C2CD3: variants seen among roughly 807,000 people sequenced by gnomAD.
C2CD3 encodes the protein C2 domain-containing protein 3.
C2CD3 carries 148 observed loss-of-function variants against 234.0 expected under a neutral mutation model. The observed-to-expected ratio is 0.63, with a 90% CI of 0.55 to 0.72. C2CD3 has a LOEUF of 0.72. Among genes scored for constraint, C2CD3 ranks in the 30% least tolerant of loss-of-function variants. The pLI, the probability that C2CD3 is intolerant of heterozygous loss-of-function variation, is 0.00. For missense variants in C2CD3, 2,577 were observed against 2,811.5 expected, an observed-to-expected ratio of 0.92 and a Z score of 1.89; for synonymous variants, 1,000 against 1,035.4, an observed-to-expected ratio of 0.97 and a Z score of 0.66.
At chr11:74,151,332 T>TATTTATTTATTTATTG (rs1440812263) in intron 3 of C2CD3, among the ~76,000 whole-genome samples, 17 of 151,906 alleles carry the variant, frequency 1.1e-4, no homozygotes, top group African/African-American at 4.1e-4. Context: ...TTTATTTATT[T>TATTTATTTATTTATTG]ATTGAGACAG....
chr11:74,167,015 CG>C (rs1477090988), intron 2 of C2CD3, among the ~76,000 whole-genome samples: 1 of 152,102 alleles, frequency 6.6e-6, no homozygotes, highest in East Asian at 1.9e-4. Flanking sequence ...CCCGTTCAAC[CG>C]GGTTGCTTCT....
At chr11:74,030,892 C>T (rs1952498514) in intron 31 of C2CD3, among the ~76,000 whole-genome samples, 1 of 152,208 alleles carries the variant, frequency 6.6e-6, no homozygotes, top group Non-Finnish European at 1.5e-5. Flanking sequence ...TCTAATTACA[C>T]TTTCTATTTC....
At chr11:74,034,449 T>G in intron 30 of C2CD3, 171 bp from the exon 31 acceptor site, 1 of 1,542,798 alleles carries the variant, frequency 6.5e-7, no homozygotes, top group Non-Finnish European at 8.7e-7. Context: ...CGGTACAATT[T>G]TTAGTACTTT....
intron 14 of C2CD3, among the ~76,000 whole-genome samples, chr11:74,101,203 T>A (rs1171838852): frequency 1.2e-4 from 18 of 152,156 alleles, no homozygotes; most frequent in Non-Finnish European, 1.2e-4. Context: ...ATTTTCAACA[T>A]AAAATTACTC....
chr11:74,161,479 C>G lies in C2CD3; in HGVS notation c.403G>C (p.Ala135Pro), dbSNP rs1364727804. 1 of 1,599,508 alleles carries G rather than the reference C, an allele frequency of 6.3e-7. No homozygotes were observed. The stretch of plus-strand genomic sequence containing the variant: ...ATTTGATGGGTTGGAGAAAGTTGAG[C>G]TAGTCCATTGATCTGAACTCTACCA... ...PIGRVQINGL[A>P]QLSPTHQING... Residue 135 changes from alanine to proline, a missense_variant, in exon 3 of 33, where the codon GCT (alanine) becomes CCT (proline). Ala to Pro is a conservative substitution (Grantham distance 27, BLOSUM62 -1). Coordinates refer to ENST00000334126, the MANE Select transcript of C2CD3 (RefSeq NM_001286577.2).
At chr11:74,121,873 T>C (rs1957230372) in intron 8 of C2CD3, among the ~76,000 whole-genome samples, 2 of 152,184 alleles carry the variant, frequency 1.3e-5, no homozygotes, top group African/African-American at 4.8e-5. Flanking sequence ...TCCTAATGTC[T>C]TTCCCGTCCA....
At chr11:74,109,840 A>G (rs1304018927) in intron 11 of C2CD3, among the ~76,000 whole-genome samples, 1 of 152,142 alleles carries the variant, frequency 6.6e-6, no homozygotes, top group African/African-American at 2.4e-5. Context: ...TGGGAGGCCG[A>G]GATGGGCAGA....
intron 16 of C2CD3, among the ~76,000 whole-genome samples, chr11:74,097,795 T>C (rs754139850): frequency 6.6e-6 from 1 of 152,242 alleles, no homozygotes; most frequent in Non-Finnish European, 1.5e-5. Context: ...ATTTTCTTTA[T>C]AAATTCAGGG....
At chr11:74,034,341 C>T (rs1952636387) in intron 30 of C2CD3, 63 bp from the exon 31 acceptor site, 1 of 1,485,998 alleles carries the variant, frequency 6.7e-7, no homozygotes, top group South Asian at 1.3e-5. Flanking sequence ...AAATTTCCCA[C>T]ACTAGCCTTT....
intron 27 of C2CD3, 22 bp downstream of exon 27, chr11:74,049,315 G>A: frequency 6.3e-7 from 1 of 1,593,930 alleles, no homozygotes; most frequent in Non-Finnish European, 8.6e-7. Context: ...TATTGGTTAG[G>A]GATGTGAATC....
At chr11:74,016,069 C>G (rs146665391) in intron 32 of C2CD3, among the ~76,000 whole-genome samples, 1 of 151,996 alleles carries the variant, frequency 6.6e-6, no homozygotes, top group Non-Finnish European at 1.5e-5. Flanking sequence ...AGAGGAAGAC[C>G]CTGTCTCAAA....
chr11:74,110,174 T>C (rs892259998), intron 11 of C2CD3, among the ~76,000 whole-genome samples: 1 of 146,024 alleles, frequency 6.8e-6, no homozygotes, highest in African/African-American at 2.6e-5. Context: ...GTTCTAATAC[T>C]TACTATTACT....
intron 20 of C2CD3, among the ~76,000 whole-genome samples, chr11:74,090,000 C>T (rs1210115028): frequency 6.6e-6 from 1 of 152,120 alleles, no homozygotes; most frequent in Non-Finnish European, 1.5e-5. Context: ...AAGGGCTGTG[C>T]TGTTTTTCTA....
chr11:74,103,774 T>C (rs1320452576), intron 13 of C2CD3, 149 bp from the exon 14 acceptor site: 3 of 652,496 alleles, frequency 4.6e-6, no homozygotes, highest in Admixed American at 3.0e-5. Context: ...AGAATGCATA[T>C]ACATTAACTT....
chr11:74,036,236 C>A, intron 30 of C2CD3: 1 of 327,492 alleles, frequency 3.1e-6, no homozygotes, highest in African/African-American at 2.1e-5. Flanking sequence ...CTACTCCAAA[C>A]AAGCCTTCAT....
Position 74,086,472 on chromosome 11 carries a change from T to C in C2CD3, c.3642-586A>G, listed in dbSNP as rs182103457. ...TGGCTGTTTCTATGGTTTGCATAAG[T>C]GACCTCGTTTTGGTCTGTGCTTAGA... is the stretch of plus-strand genomic sequence containing the variant. On this transcript the variant is annotated intron_variant, in intron 20 of 32. Transcript: ENST00000334126. Among the ~76,000 whole-genome samples the C allele has an allele frequency of 3.2e-3, 492 of 152,370 alleles. 3 individuals are homozygous for C. In the Middle Eastern group the frequency reaches 0.034, roughly 11 times the overall value.
At chr11:74,119,270 A>C (rs922151676) in intron 8 of C2CD3, among the ~76,000 whole-genome samples, 1 of 152,134 alleles carries the variant, frequency 6.6e-6, no homozygotes, top group Admixed American at 6.6e-5. Flanking sequence ...TAATCTTGCT[A>C]AAATGAACTG....
At chr11:74,086,790 A>G (rs1203652701) in intron 20 of C2CD3, among the ~76,000 whole-genome samples, 2 of 152,214 alleles carry the variant, frequency 1.3e-5, no homozygotes, top group African/African-American at 4.8e-5. Flanking sequence ...AAACTCCCCA[A>G]GGCGATAGAG....
intron 3 of C2CD3, among the ~76,000 whole-genome samples, chr11:74,159,509 T>G (rs1461166648): frequency 6.6e-6 from 1 of 152,074 alleles, no homozygotes; most frequent in Non-Finnish European, 1.5e-5. Context: ...CTAATGTGTG[T>G]GTTTGTGTCT....
Sources: allele counts gnomAD v4.1 joint callset (sites outside exome capture counted in the v4.1 genomes callset), GRCh38; gene constraint gnomAD v4.1.1; transcripts MANE v1.5; gene names NCBI Gene and HGNC (gene_info 2026-07-23, HGNC 2026-07-21).